RGS6: variants seen among roughly 807,000 people sequenced by gnomAD.
RGS6 encodes regulator of G protein signaling 6, also known as regulator of G-protein signaling 6.
In RGS6, 30 loss-of-function variants were observed where a neutral mutation model predicts 78.5. That is an observed-to-expected ratio of 0.38 (90% CI 0.29 to 0.52). RGS6 has a LOEUF of 0.52. RGS6 is among the 20% of genes least tolerant of loss of function. The pLI, the probability that RGS6 is intolerant of heterozygous loss-of-function variation, is 0.85. For synonymous variants in RGS6, 206 were observed against 206.0 expected (o/e 1.00, Z 0.00); for missense variants, 495 against 609.7 (o/e 0.81, Z 1.98).
At chr14:72,013,835 T>G (rs1483067092) in intron 2 of RGS6, among the ~76,000 whole-genome samples, 1 of 152,154 alleles carries the variant, frequency 6.6e-6, no homozygotes, top group Non-Finnish European at 1.5e-5. Flanking sequence ...TGATTATAGA[T>G]TCAGAAATAA....
chr14:72,238,341 G>C (rs2051736582), intron 2 of RGS6, among the ~76,000 whole-genome samples: 1 of 152,124 alleles, frequency 6.6e-6, no homozygotes, highest in Non-Finnish European at 1.5e-5. Context: ...TTCTCATTTA[G>C]GGCTGTGGTT....
chr14:72,214,621 TATA>T (rs1282191027), intron 2 of RGS6, among the ~76,000 whole-genome samples: 1 of 152,204 alleles, frequency 6.6e-6, no homozygotes. Flanking sequence ...TAATTATATG[TATA>T]ATATGTGGAA....
intron 2 of RGS6, among the ~76,000 whole-genome samples, chr14:72,249,937 G>A (rs563900668): frequency 1.2e-4 from 18 of 152,010 alleles, no homozygotes; most frequent in Non-Finnish European, 2.4e-4. Flanking sequence ...CATGTCCTTT[G>A]TAGGGACATG....
At chr14:72,275,869 G>A (rs752423780) in intron 2 of RGS6, among the ~76,000 whole-genome samples, 1 of 152,144 alleles carries the variant, frequency 6.6e-6, no homozygotes, top group Non-Finnish European at 1.5e-5. Context: ...AGCTTTGGAG[G>A]GTACCTCACA....
upstream of RGS6, among the ~76,000 whole-genome samples, chr14:71,927,552 C>G (rs977792398): frequency 6.6e-6 from 1 of 152,160 alleles, no homozygotes; most frequent in Non-Finnish European, 1.5e-5. Context: ...GAAGGAAGGG[C>G]CCCACAGGCT....
intron 16 of RGS6, 124 bp from the exon 17 acceptor site, chr14:72,539,917 G>T: frequency 1.3e-6 from 1 of 765,898 alleles, no homozygotes; most frequent in Non-Finnish European, 2.0e-6. Flanking sequence ...CCCATTTTTC[G>T]CCCCATTTTG....
chr14:71,998,428 C>T (rs2082784061), intron 2 of RGS6, among the ~76,000 whole-genome samples: 1 of 152,128 alleles, frequency 6.6e-6, no homozygotes. Context: ...GGAAAGATTC[C>T]CAGAACAATA....
intron 1 of RGS6, among the ~76,000 whole-genome samples, chr14:71,958,265 A>G (rs964457658): frequency 9.2e-5 from 14 of 152,302 alleles, no homozygotes; most frequent in African/African-American, 3.4e-4. Context: ...GACATGTTGG[A>G]AAAACTGTGG....
In RGS6 at chr14:72,243,111, A is replaced by T. The variant is rs561816486; in HGVS notation, c.85-108984A>T. ...ACGATCCACCCGCCTCGGCCTCCCAAAGTGCTGGGATTATAGGCGTGAGCC... is the reference window on the plus strand; with the variant it reads ...ACGATCCACCCGCCTCGGCCTCCCATAGTGCTGGGATTATAGGCGTGAGCC... On this transcript the variant is annotated intron_variant, in intron 2 of 17. Transcript: ENST00000553525. Among the ~76,000 whole-genome samples the T allele has an allele frequency of 5.3e-5, 8 of 152,070 alleles. No individual in the cohort carries two copies. In the South Asian group the frequency reaches 1.7e-3, roughly 32 times the overall value.
chr14:72,223,803 G>A (rs1338101977), intron 2 of RGS6, among the ~76,000 whole-genome samples: 1 of 152,230 alleles, frequency 6.6e-6, no homozygotes, highest in Non-Finnish European at 1.5e-5. Flanking sequence ...GGGGAGAAAA[G>A]CACCTGCATC....
the RGS6 span, chr14:72,619,281 T>G: frequency 1.2e-5 from 18 of 1,535,856 alleles, no homozygotes; most frequent in African/African-American, 1.8e-4. Context: ...CGAGTCACAT[T>G]CTGTGACCTG....
At chr14:72,496,807 A>G (rs1469260453) in intron 13 of RGS6, among the ~76,000 whole-genome samples, 2 of 152,182 alleles carry the variant, frequency 1.3e-5, no homozygotes, top group East Asian at 1.9e-4. Context: ...ATAACATTCT[A>G]TCCTTTTGTA....
At chr14:72,432,115 C>T (rs1055248955) in intron 3 of RGS6, among the ~76,000 whole-genome samples, 1 of 152,202 alleles carries the variant, frequency 6.6e-6, no homozygotes, top group Admixed American at 6.5e-5. Context: ...AGCCAGGACA[C>T]TGAATGTGAT....
Position 72,165,246 on chromosome 14 carries a change from C to T in RGS6, c.85-186849C>T, listed in dbSNP as rs182080500. Among the ~76,000 whole-genome samples the T allele has an allele frequency of 3.1e-4, 47 of 152,326 alleles. No homozygotes were observed. In the South Asian group the frequency reaches 7.2e-3, roughly 23 times the overall value. ...CAGTGATTATGAGATGCCCATGCAG[C>T]GTCTTTACACCAGCCAGGGATGCAA... is the stretch of plus-strand genomic sequence containing the variant. On this transcript the variant is annotated intron_variant, in intron 2 of 17. Transcript: ENST00000553525.
At chr14:72,497,620 G>C (rs554408196) in intron 13 of RGS6, among the ~76,000 whole-genome samples, 2 of 152,198 alleles carry the variant, frequency 1.3e-5, no homozygotes, top group South Asian at 2.1e-4. Flanking sequence ...ATATAAAATA[G>C]TGAAGTTACC....
intron 13 of RGS6, among the ~76,000 whole-genome samples, chr14:72,509,086 C>T (rs1293360650): frequency 2.6e-5 from 4 of 152,060 alleles, no homozygotes; most frequent in East Asian, 1.9e-4. Flanking sequence ...GAACTGGGGC[C>T]GGGTGCAGTG....
intron 2 of RGS6, among the ~76,000 whole-genome samples, chr14:72,209,383 T>C (rs2043485924): frequency 7.6e-6 from 1 of 131,296 alleles, no homozygotes; most frequent in African/African-American, 2.8e-5. Context: ...AATTTATAAA[T>C]GTGTCTATAA....
At chr14:72,547,427 A>C in intron 17 of RGS6, 1 of 1,019,038 alleles carries the variant, frequency 9.8e-7, no homozygotes, top group Non-Finnish European at 1.4e-6. Flanking sequence ...TGGAAACAAC[A>C]GGGGATGCTT....
At chr14:72,399,165 C>CT in intron 3 of RGS6, among the ~76,000 whole-genome samples, 2 of 113,774 alleles carry the variant, frequency 1.8e-5, no homozygotes, top group East Asian at 4.1e-4. Flanking sequence ...TAAAGTCTCC[C>CT]AAGTCTCTTT....
Sources: allele counts gnomAD v4.1 joint callset (sites outside exome capture counted in the v4.1 genomes callset), GRCh38; gene constraint gnomAD v4.1.1; transcripts MANE v1.5; gene names NCBI Gene and HGNC (gene_info 2026-07-23, HGNC 2026-07-21).